Variants in LLGL1 observed in about 807,000 individuals in gnomAD.
LLGL1 encodes the protein lethal(2) giant larvae protein homolog 1.
Under a neutral mutation model 110.6 loss-of-function variants are expected in LLGL1, and 58 were observed. The observed-to-expected ratio is 0.52, with a 90% CI of 0.42 to 0.65. The LOEUF is 0.65. LLGL1 is among the 30% of genes least tolerant of loss of function. The pLI is 0.00. For synonymous variants in LLGL1, 674 were observed against 607.2 expected, an observed-to-expected ratio of 1.11 and a Z score of -1.62; for missense variants, 1,229 against 1,462.1, an observed-to-expected ratio of 0.84 and a Z score of 2.60.
intron 17 of LLGL1, 147 bp downstream of exon 17, chr17:18,241,020 C>T (rs1198811624): frequency 5.7e-6 from 5 of 884,682 alleles, no homozygotes; most frequent in African/African-American, 3.4e-5. Flanking sequence ...AAAACACTCC[C>T]AGCCAGCAGA....
At chr17:18,226,510 G>A (rs949186474) in intron 1 of LLGL1, among the ~76,000 whole-genome samples, 14 of 152,228 alleles carry the variant, frequency 9.2e-5, no homozygotes, top group Admixed American at 9.2e-4. Context: ...GCCTTGCCCT[G>A]CTCTGCCCTG....
chr17:18,233,675 G>A (rs1343649013), intron 4 of LLGL1, 103 bp from the exon 5 acceptor site: 7 of 1,289,414 alleles, frequency 5.4e-6, no homozygotes, highest in East Asian at 4.7e-5. Flanking sequence ...GGTGAGTGCT[G>A]TGGGGCCAGT....
chr17:18,229,019 G>A (rs1156405315), intron 1 of LLGL1, among the ~76,000 whole-genome samples: 2 of 152,136 alleles, frequency 1.3e-5, no homozygotes, highest in East Asian at 1.9e-4. Context: ...CTGAGGCAGT[G>A]GGTCAGGAAT....
intron 14 of LLGL1, 46 bp from the exon 15 acceptor site, chr17:18,238,021 C>G: frequency 1.2e-6 from 2 of 1,602,572 alleles, no homozygotes; most frequent in Non-Finnish European, 1.7e-6. Flanking sequence ...TGGTGGCTGC[C>G]CCAGGAGGCT....
At chr17:18,231,820 C>T (rs996085826) in intron 2 of LLGL1, among the ~76,000 whole-genome samples, 5 of 152,140 alleles carry the variant, frequency 3.3e-5, no homozygotes, top group African/African-American at 4.8e-5. Flanking sequence ...CCAGCATGCC[C>T]GGCTAATTTT....
chr17:18,230,055 A>G lies in LLGL1; in HGVS notation c.179+17A>G. On this transcript the variant is annotated intron_variant, in intron 2 of 22. Coordinates refer to ENST00000316843, the MANE Select transcript of LLGL1 (RefSeq NM_004140.4). ...TGTCAAGATGTATCCTTTGCAGGAC[A>G]GGTGTTCAGGGTCTGTTCAGGACCA... The G allele has an allele frequency of 6.3e-7, 1 of 1,591,974 alleles. No individual in the cohort carries two copies. Among genetic ancestry groups the G allele is most frequent in the Non-Finnish European group, 8.6e-7 (1 of 1,166,302 alleles).
chr17:18,237,961 G>A, intron 14 of LLGL1, 106 bp from the exon 15 acceptor site: 1 of 1,406,822 alleles, frequency 7.1e-7, no homozygotes, highest in East Asian at 2.4e-5. Context: ...GACTGCGCCA[G>A]AGGGGCTGTG....
In LLGL1 at chr17:18,244,721, GCGGGGGGGGGGGGCA is replaced by G; in HGVS notation, c.*816_*830del. ...GGGCCTAGTCAGGTGTGTGTGTCCG[GCGGGGGGGGGGGGCA>G]GGGGGGGGGGTCAAGATGAGTTTCC... is the stretch of plus-strand genomic sequence containing the variant. On this transcript the variant is annotated 3_prime_UTR_variant, in exon 23 of 23. Coordinates refer to ENST00000316843, the MANE Select transcript of LLGL1 (RefSeq NM_004140.4). 1 of 127,502 alleles carries G rather than the reference GCGGGGGGGGGGGGCA, an allele frequency of 7.8e-6. No individual in the cohort carries two copies. 7.9% of individuals were successfully genotyped at this position (127,502 alleles called of 1,614,324 possible). A position where few individuals can be genotyped will look rare whatever the true frequency, so the allele number is the denominator to read the frequency against.
Position 18,234,346 on chromosome 17 carries a change from T to C in LLGL1, c.788T>C (p.Val263Ala), listed in dbSNP as rs1300947465. Residue 263 changes from valine to alanine, a missense_variant, in exon 7 of 23, where the codon GTC becomes GCC. Coordinates refer to ENST00000316843, the MANE Select transcript of LLGL1 (RefSeq NM_004140.4). The stretch of plus-strand genomic sequence containing the variant: ...TCACACAGCGATGGCAGCTATGCTG[T>C]CTGGTCTGTGGATGCCGGCAGCTTC... ...VSSHSDGSYA[V>A]WSVDAGSFPT... 1.9e-6 allele frequency: 3 copies of C among 1,612,736 alleles called. No homozygotes were observed. The African/African-American group carries it at 4.0e-5, about 22-fold the overall frequency.
chr17:18,232,953 G>GAC, intron 4 of LLGL1, 151 bp downstream of exon 4: 1 of 1,025,256 alleles, frequency 9.8e-7, no homozygotes, highest in Non-Finnish European at 1.4e-6. Context: ...GCAGCTGTTG[G>GAC]ACCCTGCTTT....
chr17:18,237,826 T>C, intron 14 of LLGL1, 53 bp downstream of exon 14: 1 of 1,544,264 alleles, frequency 6.5e-7, no homozygotes, highest in Non-Finnish European at 8.8e-7. Flanking sequence ...AGATGGGGTC[T>C]GGGCTTCCGT....
At position 18,241,639 on chromosome 17, in the gene LLGL1, C is replaced by T. The variant is rs769561532; in HGVS notation, c.2691C>T (p.Pro897=). 31 of 1,613,632 alleles carry T rather than the reference C, an allele frequency of 1.9e-5. No individual in the cohort carries two copies. The highest frequency in any genetic ancestry group is 2.3e-5 in the Non-Finnish European group (27 of 1,180,048). The change falls in exon 18 of 23, where the codon CCC becomes CCT. Residue 897 remains proline, a synonymous_variant. Coordinates refer to ENST00000316843, the MANE Select transcript of LLGL1 (RefSeq NM_004140.4). ...VHVFSVPGLR[P]QVHYSCIRKE... ...TCTTCTCGGTGCCTGGCCTGCGGCC[C>T]CAGGTGCACTATTCCTGCATCCGGA... is the stretch of plus-strand genomic sequence containing the variant.
chr17:18,226,006 C>G (rs2047431297), intron 1 of LLGL1, among the ~76,000 whole-genome samples: 1 of 152,070 alleles, frequency 6.6e-6, no homozygotes. Flanking sequence ...GCGGGCCGCT[C>G]TGGCCCTGGC....
intron 16 of LLGL1, among the ~76,000 whole-genome samples, chr17:18,239,834 C>T (rs552542471): frequency 1.3e-5 from 2 of 152,034 alleles, no homozygotes; most frequent in Admixed American, 6.6e-5. Context: ...CCGAGAAGGC[C>T]GATGGGTTCA....
chr17:18,230,705 T>C (rs1048882890), intron 2 of LLGL1, among the ~76,000 whole-genome samples: 5 of 151,930 alleles, frequency 3.3e-5, no homozygotes, highest in Non-Finnish European at 7.4e-5. Context: ...TGGTGAGGGG[T>C]GCTGACCCCT....
At chr17:18,241,319 C>T (rs1216396964) in intron 17 of LLGL1, 132 bp from the exon 18 acceptor site, 2 of 1,178,594 alleles carry the variant, frequency 1.7e-6, no homozygotes, top group East Asian at 2.6e-5. Context: ...GCCAGGTGTA[C>T]AGGCACGGGA....
chr17:18,242,146 T>G lies in LLGL1; in HGVS notation c.2883-20T>G. 6.3e-7 allele frequency: 1 copy of G among 1,599,716 alleles called. No individual in the cohort carries two copies. Among genetic ancestry groups the G allele is most frequent in the Non-Finnish European group, 8.6e-7 (1 of 1,167,190 alleles). ...TCAAGTCATCCACCTATGGTCCCCA[T>G]CATGGCCCCATCTCTGCAGTTACAG... On this transcript the variant is annotated intron_variant, in intron 19 of 22. Coordinates refer to ENST00000316843, the MANE Select transcript of LLGL1 (RefSeq NM_004140.4).
In LLGL1 at chr17:18,235,485, G is replaced by T; in HGVS notation, c.1300G>T (p.Gly434Trp). Residue 434 changes from glycine to tryptophan, a missense_variant, in exon 11 of 23, where the codon GGG becomes TGG. Gly to Trp is a radical substitution (Grantham distance 184). Coordinates refer to ENST00000316843, the MANE Select transcript of LLGL1 (RefSeq NM_004140.4). ...VSSALSWPIT[G>W]GRNLAQEPSQ... Reference sequence around the variant, plus strand: ...CCCCTCCCAGAGCTGGCCCATCACTGGGGGCCGAAACCTGGCCCAGGAGCC... The same window carrying T: ...CCCCTCCCAGAGCTGGCCCATCACTTGGGGCCGAAACCTGGCCCAGGAGCC... 6.2e-7 allele frequency: 1 copy of T among 1,614,010 alleles called. No homozygotes were observed. Among genetic ancestry groups the T allele is most frequent in the South Asian group, 1.1e-5 (1 of 91,070 alleles).
intron 2 of LLGL1, 57 bp downstream of exon 2, chr17:18,230,095 C>T (rs890392904): frequency 1.5e-6 from 2 of 1,356,392 alleles, no homozygotes; most frequent in African/African-American, 1.4e-5. Flanking sequence ...CCTGTAGTTC[C>T]CTGTGCTCTG....
Sources: gnomAD v4.1 joint callset for allele counts (sites outside exome capture counted in the v4.1 genomes callset) on GRCh38, gnomAD v4.1.1 for gene constraint, MANE v1.5 for transcripts, NCBI Gene and HGNC (gene_info 2026-07-23, HGNC 2026-07-21) for gene names.